Variants in TET3 observed in about 807,000 individuals in gnomAD.
TET3 encodes methylcytosine dioxygenase TET3.
TET3 carries 19 observed loss-of-function variants against 141.4 expected under a neutral mutation model. The observed-to-expected ratio is 0.13, with a 90% confidence interval of 0.09 to 0.20. The LOEUF (loss-of-function observed/expected upper bound fraction) is 0.20, where lower values mean the gene tolerates loss of function less well. Ranked by LOEUF, TET3 falls within the 10% of genes least tolerant of loss-of-function variation. The pLI is 1.00. For synonymous variants in TET3, 1,043 were observed against 980.9 expected (o/e 1.06, Z -1.18); for missense variants, 1,874 against 2,356.9 (o/e 0.80, Z 4.24).
At chr2:74,042,130 G>C (rs1425734009) in intron 3 of TET3, among the ~76,000 whole-genome samples, 1 of 152,174 alleles carries the variant, frequency 6.6e-6, no homozygotes, top group East Asian at 1.9e-4. Context: ...TTTGAGCATG[G>C]TCATTTAACC....
chr2:74,066,611 A>T (rs916717979), intron 4 of TET3, among the ~76,000 whole-genome samples: 1 of 151,956 alleles, frequency 6.6e-6, no homozygotes, highest in African/African-American at 2.4e-5. Context: ...CTTTTAAGAG[A>T]CTCCTTGGGC....
chr2:73,999,732 C>T (rs899870862), intron 2 of TET3, among the ~76,000 whole-genome samples: 20 of 152,046 alleles, frequency 1.3e-4, no homozygotes, highest in African/African-American at 4.1e-4. Context: ...TGAGTGATCG[C>T]TGTGAAGTGC....
chr2:74,111,921 T>C (rs1691713637), downstream of TET3, among the ~76,000 whole-genome samples: 3 of 152,192 alleles, frequency 2.0e-5, no homozygotes, highest in Admixed American at 2.0e-4. Flanking sequence ...AGTCTGTGGG[T>C]CTATGGGCAC....
intron 10 of TET3, among the ~76,000 whole-genome samples, chr2:74,096,289 C>T (rs888219458): frequency 5.3e-5 from 8 of 152,210 alleles, no homozygotes; most frequent in Non-Finnish European, 1.2e-4. Context: ...CGTAGACCCA[C>T]ACATAGTCTG....
At chr2:73,992,741 A>AGTCCAATT (rs1684400171) in intron 2 of TET3, among the ~76,000 whole-genome samples, 1 of 152,242 alleles carries the variant, frequency 6.6e-6, no homozygotes. Flanking sequence ...ATGGGCTAAA[A>AGTCCAATT]GTCCAATTTC....
At chr2:74,030,300 G>C (rs1411146814) in intron 3 of TET3, among the ~76,000 whole-genome samples, 1 of 152,140 alleles carries the variant, frequency 6.6e-6, no homozygotes, top group Non-Finnish European at 1.5e-5. Context: ...GTTTTACATA[G>C]TTGGCAGTCT....
intron 3 of TET3, among the ~76,000 whole-genome samples, chr2:74,032,440 GGGGTGTGTCTCTGTGT>G (rs1266090834): frequency 7.2e-6 from 1 of 138,508 alleles, no homozygotes; most frequent in Non-Finnish European, 1.5e-5. Context: ...GGCTGCAAGA[GGGGTGTGTCTCTGTGT>G]GTGTGTGTGT....
chr2:74,052,520 G>A (rs1687997921), intron 4 of TET3, among the ~76,000 whole-genome samples: 2 of 146,782 alleles, frequency 1.4e-5, no homozygotes, highest in Non-Finnish European at 3.0e-5. Context: ...ACAGAATATG[G>A]GAACAACTTT....
At chr2:73,994,431 C>T (rs1436958533) in intron 2 of TET3, among the ~76,000 whole-genome samples, 1 of 152,112 alleles carries the variant, frequency 6.6e-6, no homozygotes, top group Non-Finnish European at 1.5e-5. Flanking sequence ...GCATTTATGA[C>T]TATTCCAGTA....
At chr2:74,002,061 G>A (rs1291703202) in intron 2 of TET3, among the ~76,000 whole-genome samples, 3 of 152,224 alleles carry the variant, frequency 2.0e-5, no homozygotes, top group East Asian at 1.9e-4. Context: ...TTTCTGAGGT[G>A]GGCGCTGGAG....
At chr2:74,005,500 T>C (rs1194350918) in intron 3 of TET3, among the ~76,000 whole-genome samples, 1 of 152,188 alleles carries the variant, frequency 6.6e-6, no homozygotes, top group Non-Finnish European at 1.5e-5. Flanking sequence ...GTGTCCCACA[T>C]ACCCAGGGTG....
Position 74,101,992 on chromosome 2 carries a change from A to G in TET3, c.5204A>G (p.Gln1735Arg). 2.5e-6 allele frequency: 4 copies of G among 1,602,704 alleles called. No homozygotes were observed. The highest frequency in any genetic ancestry group is 3.4e-6 in the Non-Finnish European group (4 of 1,172,662). ...EEAARLGLGQ[Q>R]EAKLYGKKRK... ...GCTGCCCGGCTGGGCCTGGGCCAGC[A>G]GGAGGCCAAGCTCTACGGGAAGAAG... Residue 1735 changes from glutamine to arginine, a missense_variant, in exon 12 of 12, where the codon CAG becomes CGG. By Grantham distance (43) the Gln-to-Arg change is conservative. Transcript: ENST00000409262. This position sits in a 1 kb window ranked among gnomAD's most constrained non-coding sequence, Gnocchi z 8.5.
the TET3 span, among the ~76,000 whole-genome samples, chr2:74,125,577 A>G: frequency 6.6e-6 from 1 of 151,672 alleles, no homozygotes; most frequent in South Asian, 2.1e-4. Context: ...TATAAATAAC[A>G]AAAAAGTTGT....
upstream of TET3, among the ~76,000 whole-genome samples, chr2:73,983,912 G>A (rs1683871273): frequency 1.3e-5 from 2 of 152,258 alleles, no homozygotes; most frequent in South Asian, 2.1e-4. Context: ...CTGGCAGTCA[G>A]GCCAGATGGG....
intron 3 of TET3, among the ~76,000 whole-genome samples, chr2:74,018,966 C>T (rs924065802): frequency 3.3e-5 from 5 of 152,142 alleles, no homozygotes; most frequent in African/African-American, 1.2e-4. Context: ...AGTTTTAAGG[C>T]CAGGTGTGGT....
chr2:73,989,118 G>A (rs1364707259), intron 2 of TET3, among the ~76,000 whole-genome samples: 1 of 151,186 alleles, frequency 6.6e-6, no homozygotes, highest in African/African-American at 2.4e-5. Flanking sequence ...GTTCCTGAGA[G>A]ACTGCCAGGG....
chr2:74,056,107 A>G (rs1573805687), intron 4 of TET3, among the ~76,000 whole-genome samples: 1 of 152,352 alleles, frequency 6.6e-6, no homozygotes, highest in East Asian at 1.9e-4. Context: ...TGATCTTGAC[A>G]TCTGTACATT....
intron 8 of TET3, among the ~76,000 whole-genome samples, chr2:74,091,653 G>A (rs528254960): frequency 1.3e-5 from 2 of 152,376 alleles, no homozygotes; most frequent in East Asian, 3.9e-4. Flanking sequence ...GACCCCACTG[G>A]ATGTACAGCT....
chr2:74,088,066 G>C, intron 7 of TET3, 28 bp downstream of exon 7: 2 of 1,549,394 alleles, frequency 1.3e-6, no homozygotes, highest in Non-Finnish European at 1.7e-6. Flanking sequence ...TCAGGGCCAG[G>C]GCCCACCTAT....
Sources: allele counts gnomAD v4.1 joint callset (sites outside exome capture counted in the v4.1 genomes callset), GRCh38; gene constraint gnomAD v4.1.1; non-coding constraint Gnocchi (gnomAD v3.1); transcripts MANE v1.5; gene names NCBI Gene and HGNC (gene_info 2026-07-23, HGNC 2026-07-21).